The following DLC1 variants were observed in gnomAD, a reference collection of about 807,000 sequenced individuals.
The protein encoded by DLC1 is DLC1 Rho GTPase activating protein.
DLC1 carries 54 observed loss-of-function variants against 140.3 expected under a neutral mutation model. The observed-to-expected ratio is 0.38, with a 90% CI of 0.31 to 0.48. The LOEUF is 0.48. Among genes scored for constraint, DLC1 ranks in the 20% least tolerant of loss-of-function variants. The probability of loss-of-function intolerance (pLI) is 0.96; values close to 1 mark genes in which losing one functional copy is unlikely to be tolerated. For missense variants in DLC1, 2,536 were observed against 1,907.0 expected (o/e 1.33, Z -6.14); for synonymous variants, 986 against 728.1 (o/e 1.35, Z -5.70).
chr8:13,129,855 T>C (rs1821928591), intron 5 of DLC1, among the ~76,000 whole-genome samples: 1 of 152,236 alleles, frequency 6.6e-6, no homozygotes, highest in Non-Finnish European at 1.5e-5. Flanking sequence ...GTAAAAGTCT[T>C]CTGGCTATAC....
chr8:13,286,021 A>T (rs1438449442), intron 5 of DLC1, among the ~76,000 whole-genome samples: 2 of 152,212 alleles, frequency 1.3e-5, no homozygotes, highest in Non-Finnish European at 2.9e-5. Context: ...ATAAATATGC[A>T]ATACAGTGTT....
At chr8:13,535,722 C>G (rs1803255720) in intron 1 of DLC1, among the ~76,000 whole-genome samples, 1 of 144,438 alleles carries the variant, frequency 6.9e-6, no homozygotes, top group South Asian at 2.2e-4. Context: ...ATTTTATTCA[C>G]AGTGATTCAA....
chr8:13,121,702 C>A (rs1242481373), intron 5 of DLC1, among the ~76,000 whole-genome samples: 1 of 145,546 alleles, frequency 6.9e-6, no homozygotes, highest in Non-Finnish European at 1.5e-5. Flanking sequence ...GTGTGTACCA[C>A]CATGCCTGGC....
At chr8:13,391,601 C>CA (rs2117206680) in intron 4 of DLC1, among the ~76,000 whole-genome samples, 1 of 152,032 alleles carries the variant, frequency 6.6e-6, no homozygotes, top group African/African-American at 2.4e-5. Flanking sequence ...AAAACTTTTA[C>CA]AAAAAATGGT....
intron 2 of DLC1, among the ~76,000 whole-genome samples, chr8:13,418,787 C>G (rs1339317082): frequency 6.6e-6 from 1 of 152,114 alleles, no homozygotes; most frequent in East Asian, 1.9e-4. Flanking sequence ...GGCATGGAAT[C>G]TATAAATTAC....
At chr8:13,261,308 G>A (rs944928636) in intron 5 of DLC1, among the ~76,000 whole-genome samples, 2 of 152,112 alleles carry the variant, frequency 1.3e-5, no homozygotes, top group African/African-American at 2.4e-5. Flanking sequence ...TCAAGATGAG[G>A]GAACAGCAAT....
chr8:13,532,618 C>T (rs1006548081), intron 1 of DLC1, among the ~76,000 whole-genome samples: 7 of 152,166 alleles, frequency 4.6e-5, no homozygotes, highest in Admixed American at 2.0e-4. Flanking sequence ...AGTGGATTCT[C>T]ACTCTACCAT....
intron 5 of DLC1, among the ~76,000 whole-genome samples, chr8:13,282,699 T>C (rs1248767643): frequency 1.3e-5 from 2 of 152,148 alleles, no homozygotes; most frequent in African/African-American, 4.8e-5. Context: ...GTAAAGAAGC[T>C]CAGCATTACA....
chr8:13,141,899 T>C (rs2128971202), intron 5 of DLC1, among the ~76,000 whole-genome samples: 1 of 152,304 alleles, frequency 6.6e-6, no homozygotes, highest in East Asian at 1.9e-4. Flanking sequence ...CAACAAGGCT[T>C]ATGATATGGT....
intron 1 of DLC1, among the ~76,000 whole-genome samples, chr8:13,551,819 A>G (rs1803863538): frequency 1.4e-5 from 2 of 148,068 alleles, no homozygotes; most frequent in South Asian, 2.1e-4. Context: ...CTAGACAGGT[A>G]TATATGTGTA....
At chr8:13,147,978 C>T (rs1200775957) in intron 5 of DLC1, among the ~76,000 whole-genome samples, 1 of 152,074 alleles carries the variant, frequency 6.6e-6, no homozygotes, top group African/African-American at 2.4e-5. Flanking sequence ...CAGAGCAAGA[C>T]TCCATCTCAA....
At chr8:13,099,004 C>G (rs1192078303) in intron 9 of DLC1, among the ~76,000 whole-genome samples, 1 of 152,064 alleles carries the variant, frequency 6.6e-6, no homozygotes, top group Admixed American at 6.6e-5. Flanking sequence ...GATTTCTATC[C>G]CATGCTTTAA....
intron 3 of DLC1, among the ~76,000 whole-genome samples, chr8:13,396,211 C>T (rs1169215921): frequency 1.3e-5 from 2 of 151,820 alleles, no homozygotes; most frequent in African/African-American, 4.8e-5. Context: ...AGGCGCCCAC[C>T]ACCACACCCG....
At chr8:13,137,332 A>G (rs756159645) in intron 5 of DLC1, among the ~76,000 whole-genome samples, 1 of 152,184 alleles carries the variant, frequency 6.6e-6, no homozygotes, top group Non-Finnish European at 1.5e-5. Context: ...GCTGAGCTGC[A>G]TTCAGTGAGA....
rs1376453432 is a variant in DLC1 at position 13,390,843 on chromosome 8, C to T, written c.1314+2710G>A. On this transcript the variant is annotated intron_variant, in intron 4 of 17. Transcript: ENST00000276297. ...TCTACTAAAAATACAAAAAAATTAG[C>T]CAGGCGTGGTGGAGGGCACCTGTAG... Among the ~76,000 whole-genome samples, 6 of 152,040 alleles carry T rather than the reference C, an allele frequency of 3.9e-5. No homozygotes were observed. In the South Asian group the frequency reaches 8.3e-4, roughly 21 times the overall value.
intron 4 of DLC1, among the ~76,000 whole-genome samples, chr8:13,358,123 A>G (rs1400174123): frequency 1.3e-5 from 2 of 152,218 alleles, no homozygotes; most frequent in African/African-American, 2.4e-5. Context: ...TTGCTTTATA[A>G]CAAATATTTT....
At chr8:13,333,417 G>GT (rs35117630) in intron 4 of DLC1, among the ~76,000 whole-genome samples, 19 of 151,794 alleles carry the variant, frequency 1.3e-4, no homozygotes, top group African/African-American at 4.1e-4. Flanking sequence ...TTTGTTTTTT[G>GT]TTTTTTTTGT....
rs150388749 is a variant in DLC1 at position 13,359,885 on chromosome 8, T to G, written c.1314+33668A>C. Among the ~76,000 whole-genome samples, 19 of 152,334 alleles carry G rather than the reference T, an allele frequency of 1.2e-4. No homozygotes were observed. In the East Asian group the frequency reaches 3.7e-3, roughly 29 times the overall value. On this transcript the variant is annotated intron_variant, in intron 4 of 17. Coordinates refer to ENST00000276297, the MANE Select transcript of DLC1 (RefSeq NM_182643.3). ...TCATGCTATTCAGGCCATTATGGAA[T>G]GAAAATCATAAATGTTCAGGATATT...
chr8:13,549,215 C>T (rs572697649), intron 1 of DLC1, among the ~76,000 whole-genome samples: 1 of 152,002 alleles, frequency 6.6e-6, no homozygotes, highest in Non-Finnish European at 1.5e-5. Context: ...GCAGTATTCA[C>T]TGCTGAATAA....
Sources: allele counts gnomAD v4.1 joint callset (sites outside exome capture counted in the v4.1 genomes callset), GRCh38; gene constraint gnomAD v4.1.1; transcripts MANE v1.5; gene names NCBI Gene and HGNC (gene_info 2026-07-23, HGNC 2026-07-21).